Variants in ZNF92 observed in about 807,000 individuals in gnomAD.
ZNF92 encodes the protein zinc finger protein 92.
A neutral mutation model predicts 12.4 loss-of-function variants in ZNF92; 11 were observed. The observed-to-expected ratio is 0.89, with a 90% CI of 0.56 to 1.47. ZNF92 has a LOEUF of 1.47. ZNF92 is among the 40% of genes most tolerant of loss of function. ZNF92 has a pLI of 0.00. For missense variants in ZNF92, 622 were observed against 681.0 expected (o/e 0.91, Z 0.96); for synonymous variants, 206 against 228.6 (o/e 0.90, Z 0.89).
intron 1 of ZNF92, among the ~76,000 whole-genome samples, chr7:65,379,894 G>A (rs1466833877): frequency 6.6e-6 from 1 of 152,104 alleles, no homozygotes; most frequent in East Asian, 1.9e-4. Context: ...TGGTTCGGGA[G>A]TACACATGCA....
intron 3 of ZNF92, among the ~76,000 whole-genome samples, chr7:65,392,224 A>G (rs1265851177): frequency 6.6e-6 from 1 of 151,958 alleles, no homozygotes; most frequent in African/African-American, 2.4e-5. Flanking sequence ...CTGATTTTCA[A>G]TGGTTGTTTT....
Position 65,396,965 on chromosome 7 carries a change from T to G in ZNF92, c.227-1376T>G, listed in dbSNP as rs1562797262. Among the ~76,000 whole-genome samples the G allele has an allele frequency of 2.0e-5, 3 of 152,222 alleles. 1 individual carries two copies. The South Asian group carries it at 6.2e-4, about 32-fold the overall frequency. ...ATTTTTTCTCTTATTACGTCAAAAT[T>G]TGAAAGTTCTCAGCCTTTTTTATCT... On this transcript the variant is annotated intron_variant, in intron 3 of 3. Coordinates refer to ENST00000328747, the MANE Select transcript of ZNF92 (RefSeq NM_152626.4).
intron 1 of ZNF92, among the ~76,000 whole-genome samples, chr7:65,382,199 T>G (rs957845070): frequency 1.3e-5 from 2 of 152,026 alleles, no homozygotes; most frequent in Non-Finnish European, 2.9e-5. Context: ...ATGGACTAAT[T>G]ATTGTGACCG....
chr7:65,399,356 A>T lies in ZNF92; in HGVS notation c.1242A>T (p.Glu414Asp), dbSNP rs751380327. The T allele has an allele frequency of 1.5e-5, 25 of 1,613,556 alleles. No individual in the cohort carries two copies. The highest frequency in any genetic ancestry group is 2.1e-5 in the Non-Finnish European group (25 of 1,179,792). Residue 414 changes from glutamate (E) to aspartate (D), a missense_variant, in exon 4 of 4, where the codon GAA becomes GAT. By Grantham distance (45) the Glu-to-Asp change is conservative. Coordinates refer to ENST00000328747, the MANE Select transcript of ZNF92 (RefSeq NM_152626.4). The part of the protein sequence containing the change: ...KAFKQSSTLT[E>D]HKIIHTGEKP... ...TTAAACAGTCCTCAACCCTTACTGAACATAAGATAATTCATACTGGAGAGA... is the reference window on the plus strand; with the variant it reads ...TTAAACAGTCCTCAACCCTTACTGATCATAAGATAATTCATACTGGAGAGA...
chr7:65,396,940 A>AT (rs1265953192), intron 3 of ZNF92, among the ~76,000 whole-genome samples: 1 of 151,354 alleles, frequency 6.6e-6, no homozygotes, highest in Non-Finnish European at 1.5e-5. Context: ...GGTTAGGAAT[A>AT]TTTTTTCTCT....
intron 3 of ZNF92, among the ~76,000 whole-genome samples, chr7:65,392,725 A>G (rs1482775524): frequency 6.6e-6 from 1 of 151,798 alleles, no homozygotes; most frequent in Non-Finnish European, 1.5e-5. Context: ...TAGTAGAGAC[A>G]GGGTTTCTCC....
At chr7:65,384,200 G>T (rs1793501938) in intron 1 of ZNF92, among the ~76,000 whole-genome samples, 1 of 150,508 alleles carries the variant, frequency 6.6e-6, no homozygotes, top group Admixed American at 6.6e-5. Context: ...AAAATTGACA[G>T]GGCAGTGGCT....
At chr7:65,392,295 T>A (rs1793737191) in intron 3 of ZNF92, among the ~76,000 whole-genome samples, 1 of 152,044 alleles carries the variant, frequency 6.6e-6, no homozygotes, top group South Asian at 2.1e-4. Flanking sequence ...AAATATTGTA[T>A]AATTTCCTTT....
chr7:65,388,865 A>T lies in ZNF92; in HGVS notation c.190A>T (p.Asn64Tyr). 1 of 1,586,024 alleles carries T rather than the reference A, an allele frequency of 6.3e-7. No individual in the cohort carries two copies. The highest frequency in any genetic ancestry group is 1.1e-5 in the South Asian group (1 of 90,734). The change falls in exon 3 of 4, where the codon AAT becomes TAT. Residue 64 changes from asparagine to tyrosine, a missense_variant. By Grantham distance (143) the Asn-to-Tyr change is moderately radical. Coordinates refer to ENST00000328747, the MANE Select transcript of ZNF92 (RefSeq NM_152626.4). ...GCTGGAGCAAGGAAAAGAGCCCTGG[A>T]ATCTGAAGAGACATGAGATGGTAGA... is the stretch of plus-strand genomic sequence containing the variant. ...TWLEQGKEPW[N>Y]LKRHEMVDKT...
At chr7:65,374,083 C>A in intron 1 of ZNF92, 83 bp downstream of exon 1, 2 of 1,586,492 alleles carry the variant, frequency 1.3e-6, no homozygotes, top group Non-Finnish European at 8.6e-7. Context: ...GGGCCTCGGG[C>A]CTTCCCGCAG....
chr7:65,378,751 A>G (rs1437254303), intron 1 of ZNF92, among the ~76,000 whole-genome samples: 2 of 152,130 alleles, frequency 1.3e-5, no homozygotes, highest in Admixed American at 6.6e-5. Flanking sequence ...CAAAAAAAAA[A>G]AAAAGTATTT....
intron 1 of ZNF92, among the ~76,000 whole-genome samples, chr7:65,386,983 AG>A (rs1793585081): frequency 7.5e-6 from 1 of 134,108 alleles, no homozygotes; most frequent in South Asian, 2.3e-4. Context: ...CTCGTTCCCC[AG>A]GCTAGAGTGC....
chr7:65,377,575 G>A (rs1584272845), intron 1 of ZNF92, among the ~76,000 whole-genome samples: 1 of 152,090 alleles, frequency 6.6e-6, no homozygotes, highest in African/African-American at 2.4e-5. Context: ...ATGGAGTCTT[G>A]CTTTGTCGCC....
chr7:65,395,046 A>G (rs1793811560), intron 3 of ZNF92, among the ~76,000 whole-genome samples: 1 of 152,132 alleles, frequency 6.6e-6, no homozygotes, highest in African/African-American at 2.4e-5. Flanking sequence ...TTGGTCAGAA[A>G]ACATACCATT....
intron 1 of ZNF92, among the ~76,000 whole-genome samples, chr7:65,380,494 A>T (rs1793377512): frequency 6.6e-6 from 1 of 151,876 alleles, no homozygotes; most frequent in African/African-American, 2.4e-5. Flanking sequence ...CTGGTCGCCA[A>T]CTCCTGAGCT....
intron 3 of ZNF92, among the ~76,000 whole-genome samples, chr7:65,393,925 C>G (rs1428721304): frequency 3.3e-5 from 5 of 152,030 alleles, no homozygotes; most frequent in Non-Finnish European, 5.9e-5. Flanking sequence ...CATTTCTCAT[C>G]AAGTTATTCA....
rs770319183 is a variant in ZNF92 at position 65,387,989 on chromosome 7, G to A, written c.91G>A (p.Asp31Asn). The change falls in exon 2 of 4, where the codon GAT becomes AAT. Residue 31 changes from aspartate to asparagine, a missense_variant. By Grantham distance (23) the Asp-to-Asn change is conservative. Transcript: ENST00000328747. ...LDTAQRNLYR[D>N]VMLENYRNLV... ...CACTGCGCAGCGGAATTTATATAGA[G>A]ATGTGATGTTAGAGAACTACAGAAA... is the stretch of plus-strand genomic sequence containing the variant. 1.9e-6 allele frequency: 3 copies of A among 1,609,174 alleles called. No individual in the cohort carries two copies. The South Asian group carries it at 3.3e-5, about 18-fold the overall frequency.
At chr7:65,380,163 C>T (rs1793367462) in intron 1 of ZNF92, among the ~76,000 whole-genome samples, 2 of 152,108 alleles carry the variant, frequency 1.3e-5, no homozygotes, top group Admixed American at 6.6e-5. Flanking sequence ...GTCTCCAGCT[C>T]CATCCATGTT....
intron 1 of ZNF92, among the ~76,000 whole-genome samples, chr7:65,379,542 C>G (rs1383927653): frequency 1.3e-5 from 2 of 152,214 alleles, no homozygotes; most frequent in East Asian, 3.9e-4. Flanking sequence ...CACATGATTC[C>G]CACCCACTTA....
Sources: allele counts gnomAD v4.1 joint callset (sites outside exome capture counted in the v4.1 genomes callset), GRCh38; gene constraint gnomAD v4.1.1; transcripts MANE v1.5; gene names NCBI Gene and HGNC (gene_info 2026-07-23, HGNC 2026-07-21).